Variants in AGBL4 observed in about 807,000 individuals in gnomAD.
AGBL4 encodes cytosolic carboxypeptidase 6.
Under a neutral mutation model 66.4 loss-of-function variants are expected in AGBL4, and 58 were observed. That is an observed-to-expected ratio of 0.87 (90% confidence interval 0.71 to 1.09). The LOEUF is 1.09. Among genes scored for constraint, AGBL4 ranks in the 50% least tolerant of loss-of-function variants. The pLI is 0.00. For missense variants in AGBL4, 579 were observed against 631.0 expected (o/e 0.92, Z 0.88); for synonymous variants, 234 against 222.9 (o/e 1.05, Z -0.44).
chr1:49,708,974 C>G (rs775289516), intron 2 of AGBL4, among the ~76,000 whole-genome samples: 2 of 152,188 alleles, frequency 1.3e-5, no homozygotes, highest in African/African-American at 2.4e-5. Context: ...CAGAGCTCTA[C>G]TGTATGAGGT....
chr1:49,383,953 C>G (rs968572640), intron 3 of AGBL4, among the ~76,000 whole-genome samples: 1 of 151,908 alleles, frequency 6.6e-6, no homozygotes, highest in African/African-American at 2.4e-5. Flanking sequence ...TGTACCACTA[C>G]GCCCAGCTAA....
At chr1:49,766,968 T>C (rs1652776588) in intron 2 of AGBL4, among the ~76,000 whole-genome samples, 1 of 152,090 alleles carries the variant, frequency 6.6e-6, no homozygotes, top group Admixed American at 6.5e-5. Context: ...TACTTCTAGA[T>C]CTCTGAAAAG....
intron 8 of AGBL4, among the ~76,000 whole-genome samples, chr1:48,634,950 C>T (rs1490407120): frequency 6.6e-6 from 1 of 152,188 alleles, no homozygotes; most frequent in Non-Finnish European, 1.5e-5. Context: ...ATGCTCAGGC[C>T]ACAACTACTG....
At chr1:49,085,711 A>C (rs1042504893) in intron 4 of AGBL4, among the ~76,000 whole-genome samples, 1 of 152,038 alleles carries the variant, frequency 6.6e-6, no homozygotes, top group African/African-American at 2.4e-5. Flanking sequence ...AGAAAAAGTT[A>C]TCCAACAGAA....
At chr1:49,204,745 A>T (rs1647995679) in intron 4 of AGBL4, among the ~76,000 whole-genome samples, 1 of 152,162 alleles carries the variant, frequency 6.6e-6, no homozygotes, top group Admixed American at 6.6e-5. Context: ...ACTTACAGCT[A>T]GTGACAGACT....
At chr1:48,882,265 A>G (rs1257033440) in intron 5 of AGBL4, among the ~76,000 whole-genome samples, 3 of 152,204 alleles carry the variant, frequency 2.0e-5, no homozygotes, top group Non-Finnish European at 2.9e-5. Flanking sequence ...TGTGAGTCAA[A>G]GTTCCTGATT....
intron 2 of AGBL4, among the ~76,000 whole-genome samples, chr1:49,832,616 G>C (rs944415706): frequency 6.6e-6 from 1 of 151,742 alleles, no homozygotes; most frequent in Non-Finnish European, 1.5e-5. Flanking sequence ...CCCACCAAGA[G>C]TGTAAAAGTG....
intron 6 of AGBL4, among the ~76,000 whole-genome samples, chr1:48,685,334 A>G (rs1456570522): frequency 6.6e-6 from 1 of 152,242 alleles, no homozygotes. Flanking sequence ...GAGATGTTTT[A>G]CTATCTCATT....
At chr1:48,700,533 C>G (rs747246255) in intron 6 of AGBL4, among the ~76,000 whole-genome samples, 2 of 152,198 alleles carry the variant, frequency 1.3e-5, no homozygotes, top group Non-Finnish European at 2.9e-5. Flanking sequence ...ATGTCCCCTT[C>G]TGAGAAAGGC....
At chr1:49,935,600 C>A (rs1192244454) in intron 1 of AGBL4, among the ~76,000 whole-genome samples, 1 of 152,210 alleles carries the variant, frequency 6.6e-6, no homozygotes, top group Non-Finnish European at 1.5e-5. Flanking sequence ...TAGGGGCAGA[C>A]TGACACCTCA....
rs965116345 is a variant in AGBL4 at position 49,505,460 on chromosome 1, T to C, written c.282+191853A>G. 1.7e-4 allele frequency among the ~76,000 whole-genome samples: 26 copies of C among 152,178 alleles called. No homozygotes were observed. The East Asian group carries it at 1.9e-3, about 11-fold the overall frequency. ...TGTTGTTTGTCTAGGAAAGTGTTTA[T>C]CTCTCTTTCATTTCTGAAGGATAGC... On this transcript the variant is annotated intron_variant, in intron 3 of 13. Coordinates refer to ENST00000371839, the MANE Select transcript of AGBL4 (RefSeq NM_032785.4).
intron 7 of AGBL4, among the ~76,000 whole-genome samples, chr1:48,654,002 G>T (rs1394208430): frequency 1.3e-5 from 2 of 152,138 alleles, no homozygotes; most frequent in Non-Finnish European, 2.9e-5. Flanking sequence ...TACTCCAAAT[G>T]TGCTTCTTTC....
At chr1:48,958,655 A>G (rs1240832309) in intron 5 of AGBL4, among the ~76,000 whole-genome samples, 1 of 152,118 alleles carries the variant, frequency 6.6e-6, no homozygotes, top group East Asian at 1.9e-4. Flanking sequence ...GAAATTTTCT[A>G]GGATTTCTTA....
intron 3 of AGBL4, among the ~76,000 whole-genome samples, chr1:49,544,421 T>G (rs894717638): frequency 7.2e-5 from 11 of 152,222 alleles, no homozygotes; most frequent in African/African-American, 2.7e-4. Context: ...CTAGGACTTT[T>G]GTATATTCTT....
At chr1:50,022,040 C>T (rs777512798) in intron 1 of AGBL4, among the ~76,000 whole-genome samples, 1 of 152,280 alleles carries the variant, frequency 6.6e-6, no homozygotes, top group Admixed American at 6.5e-5. Context: ...CCTGCTGCCT[C>T]GACCACTCTT....
chr1:49,887,726 G>T (rs568763576), intron 1 of AGBL4, among the ~76,000 whole-genome samples: 50 of 152,232 alleles, frequency 3.3e-4, no homozygotes, highest in Non-Finnish European at 6.8e-4. Flanking sequence ...GAAAGATTAT[G>T]AGAGTCTGAA....
intron 3 of AGBL4, among the ~76,000 whole-genome samples, chr1:49,261,303 G>C (rs1374286434): frequency 2.6e-5 from 4 of 152,124 alleles, no homozygotes; most frequent in African/African-American, 9.6e-5. Flanking sequence ...TGGAAGTTCT[G>C]GCCAAGGAAA....
intron 3 of AGBL4, among the ~76,000 whole-genome samples, chr1:49,643,502 CA>C (rs150301050): frequency 1.5e-4 from 23 of 150,292 alleles, no homozygotes; most frequent in East Asian, 5.9e-4. Context: ...ATTCCAACCA[CA>C]AAAAAAACAG....
At chr1:50,019,263 TTCTC>T (rs71059571) in intron 1 of AGBL4, among the ~76,000 whole-genome samples, 3,486 of 83,508 alleles carry the variant, frequency 0.042, 86 homozygotes, top group African/African-American at 0.055. Context: ...AAAAAAAATA[TTCTC>T]TCTCTCTCTC....
Sources: gnomAD v4.1 joint callset for allele counts (sites outside exome capture counted in the v4.1 genomes callset) on GRCh38, gnomAD v4.1.1 for gene constraint, MANE v1.5 for transcripts, NCBI Gene and HGNC (gene_info 2026-07-23, HGNC 2026-07-21) for gene names.